LIFR: variants seen among roughly 807,000 people sequenced by gnomAD.
The protein encoded by LIFR is leukemia inhibitory factor receptor.
LIFR carries 84 observed loss-of-function variants against 122.2 expected under a neutral mutation model. The observed-to-expected ratio is 0.69, with a 90% CI of 0.58 to 0.82. The LOEUF is 0.82. LIFR is among the 40% of genes least tolerant of loss of function. The pLI is 0.00. For synonymous variants in LIFR, 422 were observed against 434.7 expected (o/e 0.97, Z 0.36); for missense variants, 1,294 against 1,311.6 (o/e 0.99, Z 0.21).
chr5:38,567,558 C>T (rs1749067692), intron 1 of LIFR, among the ~76,000 whole-genome samples: 1 of 101,736 alleles, frequency 9.8e-6, no homozygotes, highest in African/African-American at 3.5e-5. Flanking sequence ...AAGACTGAGT[C>T]TCACTCTGTT....
rs1414699317 is a variant in LIFR, at chr5:38,481,066, T to A, written c.*529A>T. 1 of 229,970 alleles carries A rather than the reference T, an allele frequency of 4.3e-6. No homozygotes were observed. The highest frequency in any genetic ancestry group is 8.7e-6 in the Non-Finnish European group (1 of 115,594). 14.2% of individuals were successfully genotyped at this position (229,970 alleles called of 1,614,324 possible). A position where few individuals can be genotyped will look rare whatever the true frequency, so the allele number is the denominator to read the frequency against. On this transcript the variant is annotated 3_prime_UTR_variant, in exon 20 of 20. Transcript: ENST00000453190. ...GCTGTCACTACATTAAAAATTATATTAATTTTTGTGAATGCTGTGGATAGA... is the reference window on the plus strand; with the variant it reads ...GCTGTCACTACATTAAAAATTATATAAATTTTTGTGAATGCTGTGGATAGA...
intron 1 of LIFR, among the ~76,000 whole-genome samples, chr5:38,584,760 G>A (rs931580283): frequency 1.6e-4 from 25 of 152,266 alleles, no homozygotes; most frequent in South Asian, 1.0e-3. Flanking sequence ...AGATAAGTAG[G>A]ATGAACACAC....
intron 5 of LIFR, among the ~76,000 whole-genome samples, chr5:38,514,632 G>A (rs536391786): frequency 6.6e-6 from 1 of 152,282 alleles, no homozygotes; most frequent in East Asian, 1.9e-4. Context: ...ATAGATAGCA[G>A]AGAATATCTA....
chr5:38,588,304 C>A (rs1440475998), intron 1 of LIFR, among the ~76,000 whole-genome samples: 6 of 152,052 alleles, frequency 3.9e-5, no homozygotes, highest in African/African-American at 1.4e-4. Context: ...CACAGTCAAG[C>A]AGGTTTTCTC....
intron 14 of LIFR, 73 bp from the exon 15 acceptor site, chr5:38,490,364 C>T: frequency 1.6e-6 from 1 of 625,386 alleles, no homozygotes; most frequent in Middle Eastern, 4.3e-4. Context: ...ACATCAAGTT[C>T]ATAACATACT....
At chr5:38,550,448 A>G (rs766928762) in intron 1 of LIFR, among the ~76,000 whole-genome samples, 60 of 152,210 alleles carry the variant, frequency 3.9e-4, no homozygotes, top group Non-Finnish European at 8.1e-4. Context: ...CAGACTTTGA[A>G]AGGTACCAAG....
chr5:38,503,993 T>A lies in LIFR; in HGVS notation c.1420A>T (p.Asn474Tyr). 1 of 1,578,988 alleles carries A rather than the reference T, an allele frequency of 6.3e-7. No homozygotes were observed. The highest frequency in any genetic ancestry group is 8.7e-7 in the Non-Finnish European group (1 of 1,148,482). The change falls in exon 10 of 20, where the codon AAT becomes TAT. Residue 474 changes from asparagine (N) to tyrosine (Y), a missense_variant. By Grantham distance (143) the Asn-to-Tyr change is moderately radical. Transcript: ENST00000453190. ...AATCTTACCTGCTCTTGTACTGAAT[T>A]AGATTTCTTAATTTCAATTTCACAT... ...FLCEIEIKKS[N>Y]SVQEQRNVTI...
In LIFR at chr5:38,584,189, A is replaced by G. The variant is rs1284198856; in HGVS notation, c.-20+11072T>C. On this transcript the variant is annotated intron_variant, in intron 1 of 19. Transcript: ENST00000263409. ...ATAATAGGACTATTATTGAAAAGTC[A>G]AGAAATAACAAATATTGGTGAGATG... is the stretch of plus-strand genomic sequence containing the variant. 1.1e-4 allele frequency among the ~76,000 whole-genome samples: 16 copies of G among 152,174 alleles called. 1 individual carries two copies. The highest frequency in any genetic ancestry group is 1.5e-5 in the Non-Finnish European group (1 of 68,038).
Position 38,481,460 on chromosome 5 carries a change from G to A in LIFR, c.*135C>T. On this transcript the variant is annotated 3_prime_UTR_variant, in exon 20 of 20. Coordinates refer to ENST00000453190, the MANE Select transcript of LIFR (RefSeq NM_001127671.2). Reference sequence around the variant, plus strand: ...TTAAAAGCACATGAACACTTTCAGTGTAACTTAACATGTAGTGAAGTTCAC... The same window carrying A: ...TTAAAAGCACATGAACACTTTCAGTATAACTTAACATGTAGTGAAGTTCAC... The A allele has an allele frequency of 2.1e-6, 2 of 974,902 alleles. No homozygotes were observed. The highest frequency in any genetic ancestry group is 1.3e-5 in the South Asian group (1 of 74,360). The allele number at this position is 974,902 out of a possible 1,614,324, so 60.4% of individuals were successfully genotyped here.
chr5:38,480,815 A>T lies in LIFR; in HGVS notation c.*780T>A, dbSNP rs1050997871. 4.7e-6 allele frequency: 1 copy of T among 214,470 alleles called. No individual in the cohort carries two copies. Among genetic ancestry groups the T allele is most frequent in the Non-Finnish European group, 9.4e-6 (1 of 106,262 alleles). The allele number at this position is 214,470 out of a possible 1,614,324, so 13.3% of individuals were successfully genotyped here. On this transcript the variant is annotated 3_prime_UTR_variant, in exon 20 of 20. Transcript: ENST00000453190. ...GTGGGTCTCTAGTCTTAGAAGTGTA[A>T]ATTTTAAATATTAGGGCAACCAACT...
At chr5:38,506,908 T>A (rs1745518148) in intron 7 of LIFR, among the ~76,000 whole-genome samples, 1 of 152,172 alleles carries the variant, frequency 6.6e-6, no homozygotes, top group Admixed American at 6.5e-5. Context: ...TGTCACTTTT[T>A]TTCCCTTAAT....
intron 1 of LIFR, among the ~76,000 whole-genome samples, chr5:38,544,979 T>A (rs947307146): frequency 6.6e-6 from 1 of 152,188 alleles, no homozygotes; most frequent in African/African-American, 2.4e-5. Flanking sequence ...GTTAAAAAAC[T>A]TAAATCATGG....
At chr5:38,482,282 A>G in intron 19 of LIFR, 64 bp from the exon 20 acceptor site, 1 of 1,488,378 alleles carries the variant, frequency 6.7e-7, no homozygotes, top group Non-Finnish European at 9.1e-7. Flanking sequence ...TGCTCCTCCT[A>G]TAAAAAGGGA....
At chr5:38,550,409 C>T (rs187670240) in intron 1 of LIFR, among the ~76,000 whole-genome samples, 1 of 152,218 alleles carries the variant, frequency 6.6e-6, no homozygotes, top group East Asian at 1.9e-4. Flanking sequence ...CTGAACTTAA[C>T]AGAATGGCTT....
In LIFR at chr5:38,484,807, C is replaced by T; in HGVS notation, c.2559G>A (p.Val853=). ...GTTTCCGATAGCAAAGGATACTTGT[C>T]ACCACTCCAACAATGACAGCCACTG... The part of the protein sequence containing the change: ...PVAVAVIVGV[V]TSILCYRKRE... The change falls in exon 18 of 20, where the codon GTG becomes GTA. Residue 853 remains valine (V), a synonymous_variant. Transcript: ENST00000453190. 6.2e-7 allele frequency: 1 copy of T among 1,613,580 alleles called. No homozygotes were observed. The highest frequency in any genetic ancestry group is 8.5e-7 in the Non-Finnish European group (1 of 1,179,592).
intron 4 of LIFR, among the ~76,000 whole-genome samples, chr5:38,524,020 T>C (rs1245721630): frequency 6.6e-6 from 1 of 152,202 alleles, no homozygotes; most frequent in Non-Finnish European, 1.5e-5. Context: ...AGTACTCTAG[T>C]GTCATTTAGT....
upstream of LIFR, among the ~76,000 whole-genome samples, chr5:38,559,651 G>A (rs2112688325): frequency 6.6e-6 from 1 of 152,322 alleles, no homozygotes; most frequent in Non-Finnish European, 1.5e-5. Flanking sequence ...CTCCATAAGT[G>A]TTTGTTGAAT....
At chr5:38,493,530 C>CCA in intron 14 of LIFR, 76 bp downstream of exon 14, 1 of 1,355,268 alleles carries the variant, frequency 7.4e-7, no homozygotes, top group African/African-American at 1.4e-5. Flanking sequence ...AGAATCACTT[C>CCA]ACTGCACCCA....
In LIFR at chr5:38,482,644, TC is replaced by T; in HGVS notation, c.2614del (p.Asp872IlefsTer29). 2 of 1,481,652 alleles carry T rather than the reference TC, an allele frequency of 1.3e-6. No individual in the cohort carries two copies. The highest frequency in any genetic ancestry group is 1.8e-6 in the Non-Finnish European group (2 of 1,086,246). The allele number at this position is 1,481,652 out of a possible 1,614,324, so 91.8% of individuals were successfully genotyped here. ...TTTACAGTTTTCTGGATTTGGAATA[TC>T]AGGGTAGAAGGTTTCTTTAATCCTT... ...REWIKETFYP[D>X]IPNPENCKAL... On this transcript the variant is annotated frameshift_variant, in exon 19 of 20. Transcript: ENST00000453190. LOFTEE classifies it high-confidence loss of function.
Sources: allele counts gnomAD v4.1 joint callset (sites outside exome capture counted in the v4.1 genomes callset), GRCh38; gene constraint gnomAD v4.1.1; transcripts MANE v1.5; gene names NCBI Gene and HGNC (gene_info 2026-07-23, HGNC 2026-07-21).